Variants in SLC4A4 observed in about 807,000 individuals in gnomAD.
SLC4A4 encodes the protein electrogenic sodium bicarbonate cotransporter 1.
SLC4A4 carries 27 observed loss-of-function variants against 111.5 expected under a neutral mutation model. That is an observed-to-expected ratio of 0.24 (90% CI 0.18 to 0.33). SLC4A4 has a LOEUF of 0.33. Ranked by LOEUF, SLC4A4 falls within the 10% of genes least tolerant of loss-of-function variation. The probability of loss-of-function intolerance (pLI) is 1.00; values close to 1 mark genes in which losing one functional copy is unlikely to be tolerated. For synonymous variants in SLC4A4, 443 were observed against 463.4 expected (o/e 0.96, Z 0.57); for missense variants, 909 against 1,315.5 (o/e 0.69, Z 4.78).
chr4:71,277,119 T>C (rs146601364), intron 3 of SLC4A4, among the ~76,000 whole-genome samples: 3 of 152,334 alleles, frequency 2.0e-5, no homozygotes, highest in African/African-American at 7.2e-5. Flanking sequence ...CACACGCTTT[T>C]GAATGGACAT....
intron 3 of SLC4A4, among the ~76,000 whole-genome samples, chr4:71,327,728 C>T (rs904211395): frequency 3.3e-5 from 5 of 151,340 alleles, no homozygotes; most frequent in Non-Finnish European, 7.4e-5. Context: ...TATATATTTA[C>T]GGGGTACATG....
At chr4:71,563,958 AT>A in intron 24 of SLC4A4, 69 bp downstream of exon 24, 1 of 972,868 alleles carries the variant, frequency 1.0e-6, no homozygotes, top group Non-Finnish European at 1.7e-6. Context: ...ACACTTTAGA[AT>A]GGCCATCTGC....
chr4:71,193,678 T>G (rs1053921875), intron 1 of SLC4A4, among the ~76,000 whole-genome samples: 1 of 152,224 alleles, frequency 6.6e-6, no homozygotes, highest in Admixed American at 6.5e-5. Context: ...TAATTTGCAT[T>G]TCTCAGAGTA....
At chr4:71,115,756 T>C (rs1743227074) in intron 2 of SLC4A4, among the ~76,000 whole-genome samples, 1 of 152,236 alleles carries the variant, frequency 6.6e-6, no homozygotes, top group Non-Finnish European at 1.5e-5. Flanking sequence ...TGAACAAACT[T>C]TATTATTCAG....
At chr4:71,497,385 T>C in intron 15 of SLC4A4, 116 bp from the exon 16 acceptor site, 1 of 865,238 alleles carries the variant, frequency 1.2e-6, no homozygotes, top group Non-Finnish European at 1.9e-6. Context: ...CCAGTGCTTA[T>C]TTTCAAACTG....
chr4:71,560,229 G>C lies in SLC4A4; in HGVS notation c.3074G>C (p.Gly1025Ala), dbSNP rs564384504. ...EDEKKKKKKKGSLDSDNDDSD... is the reference protein window; with the variant it reads ...EDEKKKKKKKASLDSDNDDSD... ...GAGAAGAAAAAGAAAAAGAAGAAGG[G>C]AAGTCTGGACAGTGACAATGATGAT... The change falls in exon 23 of 26, where the codon GGA (glycine) becomes GCA (alanine). Residue 1025 changes from glycine (G) to alanine (A), a missense_variant. By Grantham distance (60) the Gly-to-Ala change is moderately conservative. This residue lies in a region of SLC4A4 where 85 missense variants were observed against 79.8 expected (regional missense o/e 1.07). Coordinates refer to ENST00000264485, the MANE Select transcript of SLC4A4 (RefSeq NM_001098484.3). 1 of 1,609,774 alleles carries C rather than the reference G, an allele frequency of 6.2e-7. No individual in the cohort carries two copies. The highest frequency in any genetic ancestry group is 1.7e-5 in the Admixed American group (1 of 59,612).
intron 2 of SLC4A4, among the ~76,000 whole-genome samples, chr4:71,150,728 G>A (rs1744293610): frequency 6.6e-6 from 1 of 152,140 alleles, no homozygotes; most frequent in South Asian, 2.1e-4. Flanking sequence ...TGGGATTTGT[G>A]ACCCGAATTC....
chr4:71,135,127 C>A (rs760911390), intron 2 of SLC4A4, among the ~76,000 whole-genome samples: 40 of 152,028 alleles, frequency 2.6e-4, no homozygotes, highest in Non-Finnish European at 5.1e-4. Flanking sequence ...ATTTTAAATT[C>A]AATCTTCTTT....
chr4:71,133,608 C>T (rs1485264570), intron 2 of SLC4A4, among the ~76,000 whole-genome samples: 1 of 152,146 alleles, frequency 6.6e-6, no homozygotes, highest in Non-Finnish European at 1.5e-5. Flanking sequence ...AAGTCCCAGG[C>T]CTTTTTTAGG....
At chr4:71,417,104 G>C (rs952638220) in intron 7 of SLC4A4, among the ~76,000 whole-genome samples, 13 of 152,192 alleles carry the variant, frequency 8.5e-5, no homozygotes, top group African/African-American at 3.1e-4. Context: ...ACACAGGTGT[G>C]AACACATGGA....
At chr4:71,447,590 A>G (rs1725352091) in intron 8 of SLC4A4, 56 bp from the exon 9 acceptor site, 1 of 1,055,858 alleles carries the variant, frequency 9.5e-7, no homozygotes, top group East Asian at 2.4e-5. Context: ...AGTTTTATGT[A>G]TGTTGAGTTT....
chr4:71,425,344 C>T (rs754113354), intron 7 of SLC4A4, among the ~76,000 whole-genome samples: 2 of 152,116 alleles, frequency 1.3e-5, no homozygotes, highest in Non-Finnish European at 2.9e-5. Context: ...CGCAGCAAAA[C>T]AGGCTGGTGG....
At chr4:71,305,470 G>A (rs762254156) in intron 3 of SLC4A4, among the ~76,000 whole-genome samples, 4 of 152,298 alleles carry the variant, frequency 2.6e-5, no homozygotes, top group South Asian at 2.1e-4. Flanking sequence ...GAAAGATGAA[G>A]CATAAAGATG....
At chr4:71,533,698 A>G (rs547614628) in intron 17 of SLC4A4, among the ~76,000 whole-genome samples, 1 of 152,022 alleles carries the variant, frequency 6.6e-6, no homozygotes, top group Admixed American at 6.6e-5. Flanking sequence ...TTATATAAAA[A>G]CAGTTATGGC....
intron 9 of SLC4A4, among the ~76,000 whole-genome samples, chr4:71,449,446 A>C (rs906946253): frequency 3.9e-5 from 6 of 152,220 alleles, no homozygotes; most frequent in African/African-American, 1.2e-4. Context: ...AAAGAAAATA[A>C]GGTTGAGGAT....
intron 2 of SLC4A4, among the ~76,000 whole-genome samples, chr4:71,137,515 G>A (rs1203953621): frequency 6.6e-6 from 1 of 152,262 alleles, no homozygotes; most frequent in Non-Finnish European, 1.5e-5. Context: ...CAAGATACAA[G>A]GTCCTTTAAC....
chr4:71,135,323 T>C (rs971603743), intron 2 of SLC4A4, among the ~76,000 whole-genome samples: 2 of 133,018 alleles, frequency 1.5e-5, no homozygotes, highest in African/African-American at 5.7e-5. Flanking sequence ...TGAGACAGAG[T>C]CTCACTCTGT....
intron 1 of SLC4A4, among the ~76,000 whole-genome samples, chr4:71,092,368 A>T (rs1392486187): frequency 1.3e-5 from 2 of 152,086 alleles, no homozygotes; most frequent in African/African-American, 4.8e-5. Context: ...AAACTTTTTC[A>T]TGTTGACAGA....
At chr4:71,409,791 A>G (rs942057331) in intron 7 of SLC4A4, among the ~76,000 whole-genome samples, 3 of 152,118 alleles carry the variant, frequency 2.0e-5, no homozygotes, top group Admixed American at 6.5e-5. Context: ...AGCCCCTCCC[A>G]TCACAGGCCC....
Sources: gnomAD v4.1 joint callset for allele counts (sites outside exome capture counted in the v4.1 genomes callset) on GRCh38, gnomAD v4.1.1 for gene constraint, gnomAD v4.1.1 regional missense constraint, MANE v1.5 for transcripts, NCBI Gene and HGNC (gene_info 2026-07-23, HGNC 2026-07-21) for gene names.